The following PRKG1 variants were observed in gnomAD, a reference collection of about 807,000 sequenced individuals.
PRKG1 encodes the protein protein kinase cGMP-dependent 1.
A neutral mutation model predicts 88.1 loss-of-function variants in PRKG1; 35 were observed. That is an observed-to-expected ratio of 0.40 (90% CI 0.30 to 0.53). The LOEUF is 0.53. Among genes scored for constraint, PRKG1 ranks in the 20% least tolerant of loss-of-function variants. The pLI, the probability that PRKG1 is intolerant of heterozygous loss-of-function variation, is 0.59. For missense variants in PRKG1, 540 were observed against 839.8 expected (o/e 0.64, Z 4.41); for synonymous variants, 303 against 292.5 (o/e 1.04, Z -0.37).
intron 2 of PRKG1, among the ~76,000 whole-genome samples, chr10:51,340,350 G>T (rs1418607650): frequency 2.0e-5 from 3 of 151,998 alleles, no homozygotes; most frequent in Admixed American, 6.6e-5. Flanking sequence ...GATGGACAAG[G>T]TTTTGACTTT....
intron 5 of PRKG1, among the ~76,000 whole-genome samples, chr10:51,974,685 C>T (rs541224721): frequency 6.6e-6 from 1 of 152,224 alleles, no homozygotes; most frequent in Admixed American, 6.6e-5. Flanking sequence ...TTTTAATGTT[C>T]ACCTTAACTT....
chr10:52,074,188 T>A lies in PRKG1; in HGVS notation c.935+11557T>A, dbSNP rs137937007. On this transcript the variant is annotated intron_variant, in intron 7 of 17. Coordinates refer to ENST00000373980, the MANE Select transcript of PRKG1 (RefSeq NM_006258.4). ...CTAATGTTAATAAAATACATTAGTT[T>A]TAAGTAAGTTGGGAAATTGGTTTTT... is the stretch of plus-strand genomic sequence containing the variant. Among the ~76,000 whole-genome samples, 472 of 152,262 alleles carry A rather than the reference T, an allele frequency of 3.1e-3. 2 individuals carry two copies. The highest frequency in any genetic ancestry group is 0.01 in the African/African-American group (426 of 41,556).
intron 9 of PRKG1, among the ~76,000 whole-genome samples, chr10:52,215,566 T>C (rs1840090618): frequency 6.6e-6 from 1 of 152,170 alleles, no homozygotes; most frequent in South Asian, 2.1e-4. Context: ...TTTTCTCTTT[T>C]CCCCATGGGA....
chr10:51,098,955 A>G (rs1844610519), intron 1 of PRKG1, among the ~76,000 whole-genome samples: 1 of 152,198 alleles, frequency 6.6e-6, no homozygotes, highest in Non-Finnish European at 1.5e-5. Flanking sequence ...GCAGTTTCTC[A>G]CATATGAGAG....
intron 3 of PRKG1, among the ~76,000 whole-genome samples, chr10:51,550,757 T>A (rs1426219147): frequency 1.3e-5 from 2 of 151,930 alleles, no homozygotes; most frequent in Non-Finnish European, 2.9e-5. Context: ...TCTGTGTAAG[T>A]ACTGATAGAT....
intron 3 of PRKG1, among the ~76,000 whole-genome samples, chr10:51,478,466 C>A (rs1450071619): frequency 6.6e-6 from 1 of 151,888 alleles, no homozygotes; most frequent in African/African-American, 2.4e-5. Flanking sequence ...CTACTTCTGG[C>A]CAAATCCTTG....
intron 2 of PRKG1, among the ~76,000 whole-genome samples, chr10:51,166,357 T>G (rs759708159): frequency 2.6e-5 from 4 of 152,226 alleles, no homozygotes; most frequent in Non-Finnish European, 5.9e-5. Flanking sequence ...GACATTGCCT[T>G]TTCCCTGAGT....
At chr10:51,318,128 CTACT>C (rs1841368866) in intron 2 of PRKG1, among the ~76,000 whole-genome samples, 1 of 152,170 alleles carries the variant, frequency 6.6e-6, no homozygotes, top group African/African-American at 2.4e-5. Flanking sequence ...AAATTACACT[CTACT>C]TACTTATGTG....
At chr10:51,631,832 C>T (rs1839534611) in intron 3 of PRKG1, among the ~76,000 whole-genome samples, 1 of 152,174 alleles carries the variant, frequency 6.6e-6, no homozygotes, top group Non-Finnish European at 1.5e-5. Context: ...GCTTTGCTTG[C>T]TTGCCTGTTA....
intron 2 of PRKG1, among the ~76,000 whole-genome samples, chr10:51,205,714 AG>A (rs1476529817): frequency 6.8e-6 from 1 of 147,476 alleles, no homozygotes; most frequent in Non-Finnish European, 1.5e-5. Context: ...TTGTATTTTT[AG>A]TAGAGATGGG....
At chr10:51,860,345 G>C (rs1027712248) in intron 4 of PRKG1, among the ~76,000 whole-genome samples, 1 of 152,146 alleles carries the variant, frequency 6.6e-6, no homozygotes, top group Non-Finnish European at 1.5e-5. Flanking sequence ...TGAAAGAACA[G>C]CTATTTATCT....
intron 3 of PRKG1, among the ~76,000 whole-genome samples, chr10:51,630,126 T>A (rs1207460945): frequency 5.3e-5 from 8 of 152,190 alleles, no homozygotes; most frequent in African/African-American, 1.9e-4. Flanking sequence ...ATGACTGTTT[T>A]TCTAAAAGAA....
intron 5 of PRKG1, chr10:51,908,552 T>A (rs1390589995): frequency 2.6e-5 from 4 of 151,870 alleles, no homozygotes; most frequent in African/African-American, 9.7e-5. Flanking sequence ...AATGAACTTA[T>A]TTGACTTAGA....
At chr10:51,816,694 T>G (rs1467296185) in intron 4 of PRKG1, among the ~76,000 whole-genome samples, 1 of 152,110 alleles carries the variant, frequency 6.6e-6, no homozygotes, top group Non-Finnish European at 1.5e-5. Flanking sequence ...GTGTGTATAA[T>G]AAGTGATAGA....
At chr10:51,290,814 A>G (rs948650899) in intron 2 of PRKG1, among the ~76,000 whole-genome samples, 1 of 151,994 alleles carries the variant, frequency 6.6e-6, no homozygotes, top group Non-Finnish European at 1.5e-5. Flanking sequence ...TGGGGAGGGT[A>G]TAGGGTGTGT....
intron 2 of PRKG1, among the ~76,000 whole-genome samples, chr10:51,463,417 A>G (rs1418072375): frequency 1.3e-5 from 2 of 152,168 alleles, no homozygotes; most frequent in Non-Finnish European, 1.5e-5. Context: ...AAATAATAAC[A>G]TATAAGTTCA....
At chr10:52,200,330 C>T (rs1214796822) in intron 9 of PRKG1, among the ~76,000 whole-genome samples, 1 of 152,036 alleles carries the variant, frequency 6.6e-6, no homozygotes, top group Admixed American at 6.6e-5. Context: ...CTGTTCCTGC[C>T]TTAGTTCGCT....
intron 3 of PRKG1, among the ~76,000 whole-genome samples, chr10:51,777,659 C>G (rs761627336): frequency 6.6e-6 from 1 of 152,136 alleles, no homozygotes; most frequent in Non-Finnish European, 1.5e-5. Flanking sequence ...AGGGTTCACT[C>G]TTGGTGTTGT....
At chr10:51,726,706 A>G (rs1842139814) in intron 3 of PRKG1, among the ~76,000 whole-genome samples, 1 of 152,230 alleles carries the variant, frequency 6.6e-6, no homozygotes, top group Non-Finnish European at 1.5e-5. Context: ...GTAACTGGGT[A>G]TATATACTTG....
Sources: allele counts gnomAD v4.1 joint callset (sites outside exome capture counted in the v4.1 genomes callset), GRCh38; gene constraint gnomAD v4.1.1; transcripts MANE v1.5; gene names NCBI Gene and HGNC (gene_info 2026-07-23, HGNC 2026-07-21).